Variants in ARL6IP4 observed in about 807,000 individuals in gnomAD.
The protein encoded by ARL6IP4 is ARF like GTPase 6 interacting protein 4, also known as ADP-ribosylation factor-like protein 6-interacting protein 4.
ARL6IP4 carries 24 observed loss-of-function variants against 28.1 expected under a neutral mutation model. The observed-to-expected ratio is 0.86, with a 90% CI of 0.62 to 1.20. The LOEUF (loss-of-function observed/expected upper bound fraction) is 1.20, where lower values mean the gene tolerates loss of function less well. Among genes scored for constraint, ARL6IP4 ranks in the 50% most tolerant of loss-of-function variants. ARL6IP4 has a pLI of 0.00. For synonymous variants in ARL6IP4, 162 were observed against 122.3 expected (o/e 1.32, Z -2.14); for missense variants, 343 against 302.4 (o/e 1.13, Z -1.00).
upstream of ARL6IP4, chr12:122,980,614 G>A (rs2037599039): frequency 2.1e-6 from 3 of 1,414,222 alleles, no homozygotes; most frequent in South Asian, 1.5e-5. Flanking sequence ...TGGGGCGTCA[G>A]AACGAAAGGC....
chr12:122,980,540 C>T (rs760899805), upstream of ARL6IP4: 1 of 1,358,350 alleles, frequency 7.4e-7, no homozygotes, highest in Non-Finnish European at 9.5e-7. Context: ...TGAGGGGCTG[C>T]GGAGCTCGAG....
In ARL6IP4 at chr12:122,981,208, GAGAA is replaced by G. The variant is rs1217645534; in HGVS notation, c.74_77del (p.Lys25ArgfsTer96). The G allele has an allele frequency of 1.9e-6, 3 of 1,549,946 alleles. No homozygotes were observed. Among genetic ancestry groups the G allele is most frequent in the Non-Finnish European group, 2.6e-6 (3 of 1,146,696 alleles). Reference sequence around the variant, plus strand: ...GGTCCCGGGGACGGGGGTCGGAAAAGAGAAAGAAGAAGAGCAGGAAAGACACCTC... The same window carrying G: ...GGTCCCGGGGACGGGGGTCGGAAAAGAGAAGAAGAGCAGGAAAGACACCTC... On this transcript the variant is annotated frameshift_variant, in exon 2 of 6. Coordinates refer to ENST00000315580, the MANE Select transcript of ARL6IP4 (RefSeq NM_018694.4). LOFTEE classifies it high-confidence loss of function.
intron 1 of ARL6IP4, 188 bp from the exon 2 acceptor site, chr12:122,980,941 G>A (rs2037617639): frequency 7.2e-7 from 1 of 1,386,188 alleles, no homozygotes; most frequent in Non-Finnish European, 9.3e-7. Context: ...AGGCACCGCT[G>A]CGGGGACTGG....
In ARL6IP4 at chr12:122,980,763, C is replaced by T. The variant is rs1315562563; in HGVS notation, c.-12+18C>T. The T allele has an allele frequency of 2.5e-5, 33 of 1,310,116 alleles. No individual in the cohort carries two copies. Among genetic ancestry groups the T allele is most frequent in the Non-Finnish European group, 3.0e-5 (31 of 1,034,290 alleles). 81.2% of individuals were successfully genotyped at this position (1,310,116 alleles called of 1,614,324 possible). ...CGGTCGAGGTGGGAACGGAGCAGCCCCGGGGGCCCCCTTGAGGCGGCGAGG... is the reference window on the plus strand; with the variant it reads ...CGGTCGAGGTGGGAACGGAGCAGCCTCGGGGGCCCCCTTGAGGCGGCGAGG... On this transcript the variant is annotated intron_variant, in intron 1 of 5. Coordinates refer to ENST00000315580, the MANE Select transcript of ARL6IP4 (RefSeq NM_018694.4).
chr12:122,981,508 C>T (rs1459079118), intron 2 of ARL6IP4, 63 bp from the exon 3 acceptor site: 6 of 1,450,810 alleles, frequency 4.1e-6, no homozygotes, highest in Non-Finnish European at 4.6e-6. Context: ...TGTAGCCGGT[C>T]TGTGCCTGCC....
upstream of ARL6IP4, chr12:122,980,462 G>T: frequency 7.3e-7 from 1 of 1,363,576 alleles, no homozygotes; most frequent in Non-Finnish European, 9.4e-7. Context: ...CACCGGGGGC[G>T]TGGGTGCTGC....
intron 2 of ARL6IP4, 95 bp from the exon 3 acceptor site, chr12:122,981,476 G>A (rs947633205): frequency 1.4e-6 from 2 of 1,401,556 alleles, no homozygotes; most frequent in African/African-American, 2.9e-5. Context: ...GTTCTGGAAA[G>A]CCCCTCAGGA....
In ARL6IP4 at chr12:122,982,073, A is replaced by C. The variant is rs2037698801; in HGVS notation, c.586A>C (p.Arg196=). Residue 196 remains arginine, a splice_region_variant and synonymous_variant, in exon 4 of 6, where the codon AGG becomes CGG. Coordinates refer to ENST00000315580, the MANE Select transcript of ARL6IP4 (RefSeq NM_018694.4). ...GGTGGACCCTGAGACGGGGCGCACC[A>C]GGTGGGGAGCTTTCGGCCTGACTTA... ...KVVDPETGRT[R]LIKGDGEVLE... The C allele has an allele frequency of 6.2e-7, 1 of 1,613,216 alleles. No homozygotes were observed. Among genetic ancestry groups the C allele is most frequent in the Admixed American group, 1.7e-5 (1 of 60,000 alleles).
Position 122,982,616 on chromosome 12 carries a change from C to G in ARL6IP4, c.658-4C>G, listed in dbSNP as rs57958739. ...CCCCTCCTCCTGTGTGCTTTCTTCC[C>G]CAGCAAGCCACCCGAGGGGACTGCC... On this transcript the variant is annotated splice_region_variant and splice_polypyrimidine_tract_variant and intron_variant, in intron 5 of 5. Coordinates refer to ENST00000315580, the MANE Select transcript of ARL6IP4 (RefSeq NM_018694.4). 9.2e-3 allele frequency: 14,899 copies of G among 1,614,112 alleles called. 1,032 individuals are homozygous for G. In the East Asian group the frequency reaches 0.13, roughly 14 times the overall value.
intron 2 of ARL6IP4, 135 bp downstream of exon 2, chr12:122,981,434 A>G (rs2037647275): frequency 1.5e-6 from 2 of 1,372,884 alleles, no homozygotes; most frequent in Non-Finnish European, 9.6e-7. Flanking sequence ...CGCAGGAGCC[A>G]GGAAGGGGCT....
At chr12:122,980,379 C>G (rs780599937), upstream of ARL6IP4, 12 of 1,326,386 alleles carry the variant, frequency 9.0e-6, no homozygotes, top group African/African-American at 1.2e-4. Flanking sequence ...GTCTGGAGCT[C>G]GCAGTCGTAT....
chr12:122,980,529 G>T, upstream of ARL6IP4: 1 of 1,369,450 alleles, frequency 7.3e-7, no homozygotes. Flanking sequence ...AGACACAGGC[G>T]TGAGGGGCTG....
At position 122,982,834 on chromosome 12, in the gene ARL6IP4, T is replaced by TG. The variant is rs2037759687; in HGVS notation, c.*162dup. 1.3e-6 allele frequency: 1 copy of TG among 760,288 alleles called. No homozygotes were observed. The highest frequency in any genetic ancestry group is 2.1e-6 in the Non-Finnish European group (1 of 470,328). The allele number at this position is 760,288 out of a possible 1,614,324, so 47.1% of individuals were successfully genotyped here. ...CTTCTCAGGGGCAGGGGGTGGAGGT[T>TG]GGGGTCACCGGCCTGCTTGGCACCC... On this transcript the variant is annotated 3_prime_UTR_variant, in exon 6 of 6. Coordinates refer to ENST00000315580, the MANE Select transcript of ARL6IP4 (RefSeq NM_018694.4).
At chr12:122,981,048 G>A in intron 1 of ARL6IP4, 81 bp from the exon 2 acceptor site, 1 of 1,437,022 alleles carries the variant, frequency 7.0e-7, no homozygotes, top group Non-Finnish European at 9.1e-7. Flanking sequence ...GCCAGGCCCC[G>A]GCCCCGCTAG....
chr12:122,981,575 A>G lies in ARL6IP4; in HGVS notation c.165A>G (p.Ser55=). 3 of 1,546,862 alleles carry G rather than the reference A, an allele frequency of 1.9e-6. No individual in the cohort carries two copies. The highest frequency in any genetic ancestry group is 2.6e-6 in the Non-Finnish European group (3 of 1,147,448). The change falls in exon 3 of 6, where the codon TCA becomes TCG. Residue 55 remains serine, a synonymous_variant. Coordinates refer to ENST00000315580, the MANE Select transcript of ARL6IP4 (RefSeq NM_018694.4). ...KASTAPGAEA[S]PSPCITERSK... ...CTTCCCCTCCTGGCCTTCCAGCCTCACCTTCTCCCTGCATCACAGAGAGAA... is the reference window on the plus strand; with the variant it reads ...CTTCCCCTCCTGGCCTTCCAGCCTCGCCTTCTCCCTGCATCACAGAGAGAA...
At chr12:122,980,955 C>T in intron 1 of ARL6IP4, 174 bp from the exon 2 acceptor site, 2 of 1,385,612 alleles carry the variant, frequency 1.4e-6, no homozygotes, top group Non-Finnish European at 1.9e-6. Flanking sequence ...GGACTGGAGT[C>T]GGCGGAGAAA....
intron 5 of ARL6IP4, 32 bp from the exon 6 acceptor site, chr12:122,982,588 G>GTAC: frequency 6.2e-7 from 1 of 1,614,126 alleles, no homozygotes; most frequent in Non-Finnish European, 8.5e-7. Flanking sequence ...TGTTTGTGAT[G>GTAC]TACCCCTCCT....
Position 122,981,582 on chromosome 12 carries a change from C to T in ARL6IP4, c.172C>T (p.Pro58Ser), listed in dbSNP as rs751242219. 25 of 1,552,858 alleles carry T rather than the reference C, an allele frequency of 1.6e-5. No individual in the cohort carries two copies. In the East Asian group the frequency reaches 3.0e-4, roughly 19 times the overall value. ...TAPGAEASPS[P>S]CITERSKQKA... ...TCCTGGCCTTCCAGCCTCACCTTCT[C>T]CCTGCATCACAGAGAGAAGCAAGCA... is the stretch of plus-strand genomic sequence containing the variant. The change falls in exon 3 of 6, where the codon CCC becomes TCC. Residue 58 changes from proline to serine, a missense_variant. Coordinates refer to ENST00000315580, the MANE Select transcript of ARL6IP4 (RefSeq NM_018694.4).
At position 122,981,136 on chromosome 12, in the gene ARL6IP4, C is replaced by T. The variant is rs1401786540; in HGVS notation, c.-4C>T. On this transcript the variant is annotated 5_prime_UTR_variant, in exon 2 of 6. Transcript: ENST00000315580. ...CGTCTTCTTCGTCGCCAGCCCGCGG[C>T]GCCATGGCTCACGTCGGCTCCCGCA... 2 of 1,547,920 alleles carry T rather than the reference C, an allele frequency of 1.3e-6. No homozygotes were observed. The highest frequency in any genetic ancestry group is 1.4e-5 in the African/African-American group (1 of 72,884).
Sources: gnomAD v4.1 joint callset for allele counts on GRCh38, gnomAD v4.1.1 for gene constraint, MANE v1.5 for transcripts, NCBI Gene and HGNC (gene_info 2026-07-23, HGNC 2026-07-21) for gene names.